Variants in ROR1 observed in about 807,000 individuals in gnomAD.
ROR1 encodes ROR family WNT receptor 1.
ROR1 carries 19 observed loss-of-function variants against 78.8 expected under a neutral mutation model. The observed-to-expected ratio is 0.24, with a 90% CI of 0.17 to 0.35. The LOEUF (loss-of-function observed/expected upper bound fraction) is 0.35. Ranked by LOEUF, ROR1 falls within the 10% of genes least tolerant of loss-of-function variation. The pLI, the probability that ROR1 is intolerant of heterozygous loss-of-function variation, is 1.00. For synonymous variants in ROR1, 386 were observed against 433.6 expected, an observed-to-expected ratio of 0.89 and a Z score of 1.36; for missense variants, 917 against 1,177.8, an observed-to-expected ratio of 0.78 and a Z score of 3.24.
chr1:64,127,819 C>T (rs987179960), intron 4 of ROR1, among the ~76,000 whole-genome samples: 3 of 152,168 alleles, frequency 2.0e-5, no homozygotes, highest in Admixed American at 6.6e-5. Context: ...CTGAGATGCT[C>T]GTGAGCTTCC....
intron 1 of ROR1, among the ~76,000 whole-genome samples, chr1:63,896,211 TA>T (rs1488418706): frequency 5.3e-5 from 8 of 152,218 alleles, no homozygotes; most frequent in Non-Finnish European, 1.0e-4. Context: ...GATATTTTGT[TA>T]AAAAATAATA....
intron 1 of ROR1, among the ~76,000 whole-genome samples, chr1:63,780,558 A>T (rs1399982367): frequency 8.5e-5 from 13 of 152,206 alleles, no homozygotes. Flanking sequence ...TTACTGAAGA[A>T]ATTTGAAAAT....
At chr1:64,129,346 A>T (rs1648831806) in intron 4 of ROR1, among the ~76,000 whole-genome samples, 1 of 152,240 alleles carries the variant, frequency 6.6e-6, no homozygotes, top group South Asian at 2.1e-4. Flanking sequence ...AAATCAAAGC[A>T]ATTCCAGTAA....
At chr1:63,947,787 C>T (rs1645902336) in intron 1 of ROR1, among the ~76,000 whole-genome samples, 1 of 152,130 alleles carries the variant, frequency 6.6e-6, no homozygotes, top group Non-Finnish European at 1.5e-5. Flanking sequence ...GGGTCTTGAA[C>T]CCTTGGCCCT....
At chr1:64,030,012 A>G (rs1011302306) in intron 2 of ROR1, among the ~76,000 whole-genome samples, 1 of 151,932 alleles carries the variant, frequency 6.6e-6, no homozygotes. Context: ...TTGCCCTTTC[A>G]CCTACTCAAT....
At chr1:63,967,176 GGTT>G (rs930799985) in intron 1 of ROR1, among the ~76,000 whole-genome samples, 22 of 152,162 alleles carry the variant, frequency 1.4e-4, no homozygotes, top group African/African-American at 5.3e-4. Flanking sequence ...CAATTGTGGT[GGTT>G]GTTATTATTC....
intron 1 of ROR1, among the ~76,000 whole-genome samples, chr1:63,809,163 A>G (rs1644846131): frequency 6.6e-6 from 1 of 152,178 alleles, no homozygotes; most frequent in Non-Finnish European, 1.5e-5. Context: ...TGGAAAAGGT[A>G]GTGTCAGGGC....
intron 7 of ROR1, among the ~76,000 whole-genome samples, chr1:64,152,742 T>A (rs765248855): frequency 2.0e-5 from 3 of 152,220 alleles, no homozygotes; most frequent in Non-Finnish European, 4.4e-5. Flanking sequence ...TATTCCATAA[T>A]TAAACAGTTA....
At chr1:63,949,831 C>A (rs1007031714) in intron 1 of ROR1, among the ~76,000 whole-genome samples, 2 of 152,114 alleles carry the variant, frequency 1.3e-5, no homozygotes, top group African/African-American at 4.8e-5. Flanking sequence ...AGCCAGTGCC[C>A]TAACTTGTAC....
intron 1 of ROR1, among the ~76,000 whole-genome samples, chr1:64,004,055 C>T (rs1646408582): frequency 6.6e-6 from 1 of 152,218 alleles, no homozygotes; most frequent in African/African-American, 2.4e-5. Flanking sequence ...ATACATACCA[C>T]ATCTTATGGC....
chr1:63,878,435 G>A (rs567123564), intron 1 of ROR1, among the ~76,000 whole-genome samples: 9 of 152,122 alleles, frequency 5.9e-5, no homozygotes, highest in South Asian at 2.1e-4. Context: ...GTCTCCTGAC[G>A]GTCTCTGTAC....
intron 2 of ROR1, among the ~76,000 whole-genome samples, chr1:64,045,633 C>A (rs1183573326): frequency 6.6e-6 from 1 of 152,106 alleles, no homozygotes; most frequent in Non-Finnish European, 1.5e-5. Flanking sequence ...GGACAACTTT[C>A]TTACCCTCTC....
chr1:63,892,603 G>C (rs1431757004), intron 1 of ROR1, among the ~76,000 whole-genome samples: 1 of 152,134 alleles, frequency 6.6e-6, no homozygotes, highest in East Asian at 1.9e-4. Flanking sequence ...CCAGTGATTA[G>C]CCACTGAGGA....
intron 4 of ROR1, among the ~76,000 whole-genome samples, chr1:64,132,855 CG>C (rs1648972278): frequency 1.3e-5 from 2 of 151,492 alleles, no homozygotes; most frequent in Non-Finnish European, 1.5e-5. Flanking sequence ...TTGTCAGTAC[CG>C]ATCGGTTCAG....
intron 5 of ROR1, 40 bp from the exon 6 acceptor site, chr1:64,140,069 C>T (rs1391045686): frequency 5.1e-6 from 8 of 1,582,138 alleles, no homozygotes; most frequent in Admixed American, 1.7e-5. Context: ...AGAAGATAAA[C>T]CCTGGCCTCT....
intron 2 of ROR1, among the ~76,000 whole-genome samples, chr1:64,022,487 C>A (rs529985408): frequency 6.6e-6 from 1 of 152,338 alleles, no homozygotes; most frequent in South Asian, 2.1e-4. Flanking sequence ...TTCTGTACTG[C>A]CAGGTCTCTG....
chr1:63,865,263 C>T (rs1645208009), intron 1 of ROR1, among the ~76,000 whole-genome samples: 1 of 152,178 alleles, frequency 6.6e-6, no homozygotes, highest in Admixed American at 6.5e-5. Context: ...ATAGGTCACA[C>T]ATATCACAGT....
At chr1:63,941,381 G>C (rs1386499125) in intron 1 of ROR1, among the ~76,000 whole-genome samples, 1 of 152,120 alleles carries the variant, frequency 6.6e-6, no homozygotes, top group Non-Finnish European at 1.5e-5. Flanking sequence ...CACAAGTCTG[G>C]GTAGATAAAG....
At chr1:63,915,153 C>T (rs1420900482) in intron 1 of ROR1, among the ~76,000 whole-genome samples, 1 of 152,118 alleles carries the variant, frequency 6.6e-6, no homozygotes, top group African/African-American at 2.4e-5. Context: ...GTGGGCTGCC[C>T]ATGGTCACAT....
Sources: gnomAD v4.1 joint callset for allele counts (sites outside exome capture counted in the v4.1 genomes callset) on GRCh38, gnomAD v4.1.1 for gene constraint, MANE v1.5 for transcripts, NCBI Gene and HGNC (gene_info 2026-07-23, HGNC 2026-07-21) for gene names.